Variants in PIKFYVE observed in about 807,000 individuals in gnomAD.
PIKFYVE encodes the protein 1-phosphatidylinositol 3-phosphate 5-kinase.
Under a neutral mutation model 257.9 loss-of-function variants are expected in PIKFYVE, and 122 were observed. That is an observed-to-expected ratio of 0.47 (90% CI 0.41 to 0.55). The LOEUF (loss-of-function observed/expected upper bound fraction) is 0.55, where lower values mean the gene tolerates loss of function less well. PIKFYVE is among the 20% of genes least tolerant of loss of function. The pLI, the probability that PIKFYVE is intolerant of heterozygous loss-of-function variation, is 0.00. For synonymous variants in PIKFYVE, 892 were observed against 868.9 expected (o/e 1.03, Z -0.47); for missense variants, 2,160 against 2,536.6 (o/e 0.85, Z 3.19).
chr2:208,273,989 T>C (rs1689765828), intron 3 of PIKFYVE: 70 of 1,605,988 alleles, frequency 4.4e-5, no homozygotes, highest in Non-Finnish European at 5.9e-5. Context: ...CTTGACTATT[T>C]TTTGATTAAT....
chr2:208,294,971 C>T lies in PIKFYVE; in HGVS notation c.912-3670C>T, dbSNP rs76625516. On this transcript the variant is annotated intron_variant, in intron 7 of 41. Coordinates refer to ENST00000264380, the MANE Select transcript of PIKFYVE (RefSeq NM_015040.4). ...AACTCCCAAAAGCATCCCCACTACC[C>T]CCATGACTGGGTTCACCTAGAATTT... is the stretch of plus-strand genomic sequence containing the variant. Among the ~76,000 whole-genome samples the T allele has an allele frequency of 5.8e-3, 876 of 152,342 alleles. 39 individuals carry two copies. The East Asian group carries it at 0.12, about 21-fold the overall frequency.
chr2:208,304,791 C>T (rs1188909595), intron 11 of PIKFYVE, 55 bp from the exon 12 acceptor site: 1 of 1,559,128 alleles, frequency 6.4e-7, no homozygotes, highest in African/African-American at 1.4e-5. Flanking sequence ...CTGATAAAAC[C>T]CATTTTTACT....
At chr2:208,315,150 C>T (rs1243795703) in intron 14 of PIKFYVE, 43 bp from the exon 15 acceptor site, 1 of 1,506,380 alleles carries the variant, frequency 6.6e-7, no homozygotes, top group Non-Finnish European at 9.2e-7. Flanking sequence ...TTGTCTCTGG[C>T]AGTATTAACT....
At chr2:208,313,503 T>G (rs1313726166) in intron 13 of PIKFYVE, among the ~76,000 whole-genome samples, 1 of 152,206 alleles carries the variant, frequency 6.6e-6, no homozygotes, top group Non-Finnish European at 1.5e-5. Flanking sequence ...GCTTCTTTCT[T>G]GAAAATTCAT....
intron 12 of PIKFYVE, 182 bp downstream of exon 12, chr2:208,305,195 C>A: frequency 6.7e-7 from 1 of 1,495,772 alleles, no homozygotes; most frequent in Non-Finnish European, 8.9e-7. Context: ...TGGTTGATTC[C>A]TTTTATTTCT....
At chr2:208,284,263 T>C (rs1490399442) in intron 5 of PIKFYVE, among the ~76,000 whole-genome samples, 1 of 112,554 alleles carries the variant, frequency 8.9e-6, no homozygotes, top group Non-Finnish European at 2.1e-5. Context: ...TTTCTATCCT[T>C]TTTTTTTTTT....
chr2:208,345,449 GA>G (rs1395832776), intron 33 of PIKFYVE, among the ~76,000 whole-genome samples: 1 of 151,638 alleles, frequency 6.6e-6, no homozygotes, highest in Non-Finnish European at 1.5e-5. Context: ...GGACATTTTT[GA>G]AAAAAATGAA....
chr2:208,335,214 C>A, intron 24 of PIKFYVE, 92 bp from the exon 25 acceptor site: 1 of 860,966 alleles, frequency 1.2e-6, no homozygotes. Context: ...CCTCTTATGC[C>A]TCATAGAATA....
At chr2:208,332,198 A>G (rs1697623543) in intron 23 of PIKFYVE, among the ~76,000 whole-genome samples, 1 of 152,210 alleles carries the variant, frequency 6.6e-6, no homozygotes, top group Non-Finnish European at 1.5e-5. Flanking sequence ...AATGGCTACT[A>G]AACAAATAAA....
At chr2:208,350,440 A>G (rs1290363219) in intron 36 of PIKFYVE, among the ~76,000 whole-genome samples, 2 of 152,190 alleles carry the variant, frequency 1.3e-5, no homozygotes, top group East Asian at 1.9e-4. Flanking sequence ...ACATTTTAAG[A>G]TATTTATTAA....
intron 9 of PIKFYVE, among the ~76,000 whole-genome samples, chr2:208,302,039 T>A (rs1693755035): frequency 6.6e-6 from 1 of 152,214 alleles, no homozygotes; most frequent in Admixed American, 6.5e-5. Flanking sequence ...TTACCAGTAG[T>A]TTCTTCTCCT....
Position 208,312,495 on chromosome 2 carries a change from C to T in PIKFYVE, c.1696+200C>T, listed in dbSNP as rs900224465. On this transcript the variant is annotated intron_variant, in intron 13 of 41. Coordinates refer to ENST00000264380, the MANE Select transcript of PIKFYVE (RefSeq NM_015040.4). The stretch of plus-strand genomic sequence containing the variant: ...AGAATGTAAACTTGGACTTGGTTTG[C>T]GAGAAGGAGGTCTCTGATGTGAAAA... 4.6e-5 allele frequency among the ~76,000 whole-genome samples: 7 copies of T among 151,964 alleles called. No homozygotes were observed. The East Asian group carries it at 9.6e-4, about 21-fold the overall frequency.
At chr2:208,352,037 C>T (rs1699820914) in intron 38 of PIKFYVE, among the ~76,000 whole-genome samples, 1 of 152,238 alleles carries the variant, frequency 6.6e-6, no homozygotes, top group East Asian at 1.9e-4. Flanking sequence ...ATTCAGAGAT[C>T]TTAAACTATA....
At chr2:208,294,636 C>T (rs1053421473) in intron 7 of PIKFYVE, among the ~76,000 whole-genome samples, 1 of 151,980 alleles carries the variant, frequency 6.6e-6, no homozygotes, top group Non-Finnish European at 1.5e-5. Flanking sequence ...CAGGGCTTTT[C>T]GTTTTTTTCC....
chr2:208,333,374 T>G lies in PIKFYVE; in HGVS notation c.4023T>G (p.Leu1341=), dbSNP rs1697776124. The G allele has an allele frequency of 6.2e-7, 1 of 1,614,192 alleles. No individual in the cohort carries two copies. Among genetic ancestry groups the G allele is most frequent in the Non-Finnish European group, 8.5e-7 (1 of 1,180,010 alleles). ...GGTCTATGTCATTTGCAAAATACCT[T>G]GAACTTAGGTTTTATGGGCACCAGT... ...ESWSMSFAKY[L]ELRFYGHQYT... Residue 1341 remains leucine (L), a synonymous_variant, in exon 24 of 42, where the codon CTT becomes CTG. Transcript: ENST00000264380.
chr2:208,284,409 C>T (rs924351903), intron 5 of PIKFYVE, among the ~76,000 whole-genome samples: 7 of 152,030 alleles, frequency 4.6e-5, no homozygotes, highest in Non-Finnish European at 8.8e-5. Flanking sequence ...TACAGGCACC[C>T]GCCGCCATGC....
chr2:208,266,980 A>G (rs988491777), intron 1 of PIKFYVE, among the ~76,000 whole-genome samples: 1 of 152,264 alleles, frequency 6.6e-6, no homozygotes, highest in Non-Finnish European at 1.5e-5. Context: ...AATGTTCCCA[A>G]CAAAAGGATG....
Position 208,351,333 on chromosome 2 carries a change from T to G in PIKFYVE, c.5612-19T>G. ...TATATATTGTGATTGAGTAAACACA[T>G]AAAATTTCTGCCTTTTAGATGATAG... is the stretch of plus-strand genomic sequence containing the variant. On this transcript the variant is annotated intron_variant, in intron 37 of 41. Coordinates refer to ENST00000264380, the MANE Select transcript of PIKFYVE (RefSeq NM_015040.4). The G allele has an allele frequency of 6.5e-7, 1 of 1,542,584 alleles. No homozygotes were observed. The highest frequency in any genetic ancestry group is 1.1e-5 in the South Asian group (1 of 89,674).
At chr2:208,294,176 C>A (rs931428019) in intron 7 of PIKFYVE, among the ~76,000 whole-genome samples, 3 of 152,134 alleles carry the variant, frequency 2.0e-5, no homozygotes, top group Admixed American at 6.5e-5. Context: ...AAGATTCTTT[C>A]CTTACCTCTG....
Sources: allele counts gnomAD v4.1 joint callset (sites outside exome capture counted in the v4.1 genomes callset), GRCh38; gene constraint gnomAD v4.1.1; transcripts MANE v1.5; gene names NCBI Gene and HGNC (gene_info 2026-07-23, HGNC 2026-07-21).